COL9A1: variants seen among roughly 807,000 people sequenced by gnomAD.
COL9A1 encodes collagen type IX alpha 1 chain, also known as collagen alpha-1(IX) chain.
In COL9A1, 104 loss-of-function variants were observed where a neutral mutation model predicts 142.6. The observed-to-expected ratio is 0.73, with a 90% CI of 0.62 to 0.86. COL9A1 has a LOEUF of 0.86. Ranked by LOEUF, COL9A1 falls within the 40% of genes least tolerant of loss-of-function variation. COL9A1 has a pLI of 0.00. For missense variants in COL9A1, 1,210 were observed against 1,176.6 expected (o/e 1.03, Z -0.42); for synonymous variants, 466 against 396.0 (o/e 1.18, Z -2.10).
chr6:70,226,387 T>C (rs1000027163), intron 36 of COL9A1, among the ~76,000 whole-genome samples: 2 of 152,124 alleles, frequency 1.3e-5, no homozygotes, highest in Non-Finnish European at 2.9e-5. Context: ...ATCAGAACAA[T>C]ATAAAGACGC....
In COL9A1 at chr6:70,230,004, T is replaced by C. The variant is rs542580291; in HGVS notation, c.2503+2579A>G. Among the ~76,000 whole-genome samples, 5 of 152,312 alleles carry C rather than the reference T, an allele frequency of 3.3e-5. No individual in the cohort carries two copies. In the South Asian group the frequency reaches 8.3e-4, roughly 25 times the overall value. ...TTTGTTATTTATGCAGCAGTTTCTC[T>C]GGAAAAAGGCTCTCAAAGTGACCAT... On this transcript the variant is annotated intron_variant, in intron 36 of 37. Coordinates refer to ENST00000357250, the MANE Select transcript of COL9A1 (RefSeq NM_001851.6).
chr6:70,283,370 C>A, intron 6 of COL9A1: 1 of 838,476 alleles, frequency 1.2e-6, no homozygotes, highest in Non-Finnish European at 1.8e-6. Flanking sequence ...CCCATCCACC[C>A]CAGTGCAGCT....
intron 26 of COL9A1, 21 bp from the exon 27 acceptor site, chr6:70,252,336 C>G (rs2274584): frequency 6.2e-7 from 1 of 1,608,988 alleles, no homozygotes; most frequent in African/African-American, 1.3e-5. Flanking sequence ...AATGCAACAT[C>G]CAAAATAACT....
chr6:70,268,166 T>C (rs936365958), intron 17 of COL9A1, among the ~76,000 whole-genome samples: 3 of 152,118 alleles, frequency 2.0e-5, no homozygotes, highest in African/African-American at 7.2e-5. Context: ...ATACATTATG[T>C]ACACAACCCC....
At chr6:70,231,096 C>T (rs113436006) in intron 36 of COL9A1, among the ~76,000 whole-genome samples, 14 of 152,150 alleles carry the variant, frequency 9.2e-5, no homozygotes, top group Non-Finnish European at 1.6e-4. Flanking sequence ...GACCTCGACC[C>T]CAGAGTTTCT....
chr6:70,274,833 A>G, intron 10 of COL9A1, 61 bp from the exon 11 acceptor site: 1 of 1,356,988 alleles, frequency 7.4e-7, no homozygotes. Context: ...ACCACTAAGT[A>G]GAAAACTTTC....
intron 20 of COL9A1, among the ~76,000 whole-genome samples, chr6:70,259,384 A>G (rs1192316403): frequency 6.6e-6 from 1 of 152,144 alleles, no homozygotes; most frequent in East Asian, 1.9e-4. Context: ...TGCCTTTTGT[A>G]TTTTCTGGAG....
chr6:70,271,718 A>G lies in COL9A1; in HGVS notation c.1090-10T>C. Reference sequence around the variant, plus strand: ...CTGTCCCAGGAGGACCCTGAAGTCAACAAATCAAAGCAAATGGTCATTTAT... The same window carrying G: ...CTGTCCCAGGAGGACCCTGAAGTCAGCAAATCAAAGCAAATGGTCATTTAT... On this transcript the variant is annotated splice_polypyrimidine_tract_variant and intron_variant, in intron 13 of 37. Coordinates refer to ENST00000357250, the MANE Select transcript of COL9A1 (RefSeq NM_001851.6). The G allele has an allele frequency of 6.2e-7, 1 of 1,613,358 alleles. No individual in the cohort carries two copies. Among genetic ancestry groups the G allele is most frequent in the Non-Finnish European group, 8.5e-7 (1 of 1,179,382 alleles).
chr6:70,237,036 T>C (rs911292606), intron 33 of COL9A1, among the ~76,000 whole-genome samples: 11 of 152,190 alleles, frequency 7.2e-5, no homozygotes, highest in Non-Finnish European at 1.2e-4. Context: ...TTGGTCAGGC[T>C]GGTCTCAAAC....
rs10718346 is a variant in COL9A1, at chr6:70,297,888, C to CA, written c.299+2154dup. Reference sequence around the variant, plus strand: ...AAAAGTATGTGTCTCTTAAGTCTTTCAAAAAAAAAATAGAAAAGATAAATA... The same window carrying CA: ...AAAAGTATGTGTCTCTTAAGTCTTTCAAAAAAAAAAATAGAAAAGATAAATA... On this transcript the variant is annotated intron_variant, in intron 4 of 37. Transcript: ENST00000357250. Among the ~76,000 whole-genome samples the CA allele has an allele frequency of 2.6e-3, 391 of 149,548 alleles. 3 individuals are homozygous for CA. The highest frequency in any genetic ancestry group is 7.4e-3 in the African/African-American group (303 of 41,130).
chr6:70,236,799 T>C lies in COL9A1; in HGVS notation c.2113-1859A>G, dbSNP rs28600025. The stretch of plus-strand genomic sequence containing the variant: ...GAAGGCTGCAACATTGTCAGGTGCC[T>C]AGGGTGCAAAACTGTAACAACTTCT... On this transcript the variant is annotated intron_variant, in intron 33 of 37. Transcript: ENST00000357250. 7.9e-3 allele frequency among the ~76,000 whole-genome samples: 1,193 copies of C among 151,778 alleles called. 19 individuals are homozygous for C. Among genetic ancestry groups the C allele is most frequent in the African/African-American group, 0.027 (1,102 of 41,332 alleles).
rs965943657 is a variant in COL9A1 at position 70,299,967 on chromosome 6, C to A, written c.299+76G>T. On this transcript the variant is annotated intron_variant, in intron 4 of 37. Transcript: ENST00000357250. Reference sequence around the variant, plus strand: ...CCAAGAAACATTGATCATAAGAAAACTCTAACATTGGATAGCTATCCATTT... The same window carrying A: ...CCAAGAAACATTGATCATAAGAAAAATCTAACATTGGATAGCTATCCATTT... 19 of 1,397,124 alleles carry A rather than the reference C, an allele frequency of 1.4e-5. No homozygotes were observed. The South Asian group carries it at 2.0e-4, about 15-fold the overall frequency. 86.5% of individuals were successfully genotyped at this position (1,397,124 alleles called of 1,614,324 possible). A position where few individuals can be genotyped will look rare whatever the true frequency, so the allele number is the denominator to read the frequency against.
At position 70,220,392 on chromosome 6, in the gene COL9A1, GTGTGT is replaced by G. The variant is rs879769034; in HGVS notation, c.2582-3316_2582-3312del. On this transcript the variant is annotated intron_variant, in intron 37 of 37. Transcript: ENST00000357250. ...AGGGTGTGGAGGGGTGTGGCAGGGT[GTGTGT>G]GTGTGTGTGTGTGTGTGTGTGGTCA... is the stretch of plus-strand genomic sequence containing the variant. Among the ~76,000 whole-genome samples, 15 of 3,028 alleles carry G rather than the reference GTGTGT, an allele frequency of 5.0e-3. No individual in the cohort carries two copies. The Non-Finnish European group carries it at 0.075, about 15-fold the overall frequency. 2.0% of individuals were successfully genotyped at this position (3,028 alleles called of 152,430 possible). A position where few individuals can be genotyped will look rare whatever the true frequency, so the allele number is the denominator to read the frequency against.
At chr6:70,256,668 C>A in intron 21 of COL9A1, 100 bp downstream of exon 21, 1 of 897,810 alleles carries the variant, frequency 1.1e-6, no homozygotes. Flanking sequence ...TCCACTTTTC[C>A]ACTTTAATTA....
In COL9A1 at chr6:70,281,381, G is replaced by C. The variant is rs760517513; in HGVS notation, c.876+9C>G. 1.2e-6 allele frequency: 2 copies of C among 1,612,538 alleles called. No individual in the cohort carries two copies. The highest frequency in any genetic ancestry group is 1.3e-5 in the African/African-American group (1 of 74,662). On this transcript the variant is annotated intron_variant, in intron 8 of 37. Transcript: ENST00000357250. ...GGGGAACAGAGGTGGCCTGGAGATA[G>C]AAACTTACGTCGATGCCATCGATGC...
chr6:70,276,936 C>T (rs1423913514), intron 10 of COL9A1, among the ~76,000 whole-genome samples: 2 of 152,210 alleles, frequency 1.3e-5, no homozygotes, highest in Non-Finnish European at 2.9e-5. Flanking sequence ...TAGGTATTAA[C>T]CACAGCACTG....
At position 70,252,165 on chromosome 6, in the gene COL9A1, C is replaced by T; in HGVS notation, c.1827G>A (p.Gln609=). The stretch of plus-strand genomic sequence containing the variant: ...GGGGTCCCACCTCTCCTGGAGGCCC[C>T]TGTTGGCCCTGTTATCAGGAAGGAA... ...QMGNSGKPGQ[Q]GPPGEVGPRG... Residue 609 remains glutamine, a synonymous_variant, in exon 28 of 38, where the codon CAG becomes CAA. Coordinates refer to ENST00000357250, the MANE Select transcript of COL9A1 (RefSeq NM_001851.6). The T allele has an allele frequency of 6.2e-7, 1 of 1,614,138 alleles. No individual in the cohort carries two copies. The highest frequency in any genetic ancestry group is 8.5e-7 in the Non-Finnish European group (1 of 1,179,996).
chr6:70,235,094 T>A (rs185415318), intron 33 of COL9A1, among the ~76,000 whole-genome samples, 154 bp from the exon 34 acceptor site: 43 of 152,368 alleles, frequency 2.8e-4, no homozygotes, highest in African/African-American at 9.9e-4. Context: ...CACTGCAAGG[T>A]GAAGACACAT....
chr6:70,262,908 T>C (rs1771780655), intron 19 of COL9A1, among the ~76,000 whole-genome samples: 1 of 152,246 alleles, frequency 6.6e-6, no homozygotes, highest in Non-Finnish European at 1.5e-5. Context: ...ATTTTCTCAT[T>C]ATATCATGTG....
Sources: gnomAD v4.1 joint callset for allele counts (sites outside exome capture counted in the v4.1 genomes callset) on GRCh38, gnomAD v4.1.1 for gene constraint, MANE v1.5 for transcripts, NCBI Gene and HGNC (gene_info 2026-07-23, HGNC 2026-07-21) for gene names.